The following RANBP3 variants were observed in gnomAD, a reference collection of about 807,000 sequenced individuals.
RANBP3 encodes the protein RAN binding protein 3, also known as ran-binding protein 3.
RANBP3 carries 14 observed loss-of-function variants against 77.3 expected under a neutral mutation model. The ratio of observed to expected loss-of-function variants is 0.18; its 90% CI spans 0.12 to 0.28. RANBP3 has a LOEUF of 0.28. Ranked by LOEUF, RANBP3 falls within the 10% of genes least tolerant of loss-of-function variation. The pLI is 1.00. For missense variants in RANBP3, 586 were observed against 752.3 expected (o/e 0.78, Z 2.59); for synonymous variants, 315 against 312.4 (o/e 1.01, Z -0.09).
chr19:5,958,847 C>T lies in RANBP3; in HGVS notation c.23-874G>A, dbSNP rs1198437412. Among the ~76,000 whole-genome samples the T allele has an allele frequency of 1.3e-5, 2 of 152,264 alleles. No individual in the cohort carries two copies. The highest frequency in any genetic ancestry group is 2.9e-5 in the Non-Finnish European group (2 of 68,042). ...ACCATTCAGGGCACTGAGGGCCTAGCGTGGAGGCCAAGCAAGAGCAGCTGT... is the reference window on the plus strand; with the variant it reads ...ACCATTCAGGGCACTGAGGGCCTAGTGTGGAGGCCAAGCAAGAGCAGCTGT... On this transcript the variant is annotated intron_variant, in intron 1 of 16. Coordinates refer to ENST00000340578, the MANE Select transcript of RANBP3 (RefSeq NM_007322.3). The surrounding 1 kb of genome is among the most constrained non-coding windows in gnomAD (Gnocchi z 4.4).
intron 3 of RANBP3, among the ~76,000 whole-genome samples, chr19:5,943,739 G>A (rs2058168227): frequency 6.6e-6 from 1 of 152,176 alleles, no homozygotes. Flanking sequence ...GTACGAGTGA[G>A]GGCTGATTAT....
chr19:5,969,951 A>G (rs2145272102), intron 1 of RANBP3, among the ~76,000 whole-genome samples: 1 of 152,356 alleles, frequency 6.6e-6, no homozygotes, highest in South Asian at 2.1e-4. Flanking sequence ...TCTAGCTGGC[A>G]ATTAATTTAT....
intron 9 of RANBP3, 146 bp from the exon 10 acceptor site, chr19:5,925,883 A>G: frequency 1.6e-6 from 1 of 630,530 alleles, no homozygotes; most frequent in Non-Finnish European, 2.9e-6. Context: ...GTGCGCGTGC[A>G]TGTGCTGGGG....
intron 2 of RANBP3, among the ~76,000 whole-genome samples, chr19:5,956,820 G>A (rs1483357607): frequency 1.3e-5 from 2 of 152,338 alleles, no homozygotes; most frequent in East Asian, 1.9e-4. Context: ...CTGGGAGCCG[G>A]TCACCTGTGA....
At chr19:5,964,571 G>A (rs1407564209) in intron 1 of RANBP3, among the ~76,000 whole-genome samples, 4 of 152,072 alleles carry the variant, frequency 2.6e-5, no homozygotes, top group Non-Finnish European at 4.4e-5. Context: ...GGCACAGCAG[G>A]CCCTGGGAAC....
chr19:5,923,294 G>C lies in RANBP3; in HGVS notation c.1109C>G (p.Ala370Gly), dbSNP rs1271972085. Residue 370 changes from alanine to glycine, a missense_variant, in exon 13 of 17, where the codon GCT (alanine) becomes GGT (glycine). Ala to Gly is a moderately conservative substitution (Grantham distance 60). Coordinates refer to ENST00000340578, the MANE Select transcript of RANBP3 (RefSeq NM_007322.3). ...QEATPEKESL[A>G]ESAAAYTKAT... ...CTTGGTGTAGGCGGCTGCCGACTCA[G>C]CCAGGGACTCTGAAAAGTTATTGGC... The C allele has an allele frequency of 6.2e-7, 1 of 1,614,164 alleles. No individual in the cohort carries two copies. Among genetic ancestry groups the C allele is most frequent in the East Asian group, 2.2e-5 (1 of 44,884 alleles).
intron 5 of RANBP3, among the ~76,000 whole-genome samples, chr19:5,940,308 TGA>T (rs1411454292): frequency 6.6e-6 from 1 of 151,972 alleles, no homozygotes; most frequent in Non-Finnish European, 1.5e-5. Flanking sequence ...CAGTGGGCAG[TGA>T]GGGGGAAGGA....
chr19:5,958,032 G>T lies in RANBP3; in HGVS notation c.23-59C>A. 1.4e-6 allele frequency: 2 copies of T among 1,423,464 alleles called. No individual in the cohort carries two copies. Among genetic ancestry groups the T allele is most frequent in the Non-Finnish European group, 2.0e-6 (2 of 1,009,612 alleles). 88.2% of individuals were successfully genotyped at this position (1,423,464 alleles called of 1,614,324 possible). On this transcript the variant is annotated intron_variant, in intron 1 of 16. Coordinates refer to ENST00000340578, the MANE Select transcript of RANBP3 (RefSeq NM_007322.3). The surrounding 1 kb of genome is among the most constrained non-coding windows in gnomAD (Gnocchi z 4.4). The stretch of plus-strand genomic sequence containing the variant: ...ACACTATATGCATACAGTAAACAAA[G>T]CTACACTTGTTTGTAATATGTTAAA...
chr19:5,975,844 GAGAAA>G (rs2058584333), intron 1 of RANBP3, among the ~76,000 whole-genome samples: 1 of 151,852 alleles, frequency 6.6e-6, no homozygotes, highest in South Asian at 2.1e-4. Context: ...GAATCAGCAG[GAGAAA>G]AGGCTAAAAG....
At chr19:5,972,001 A>C (rs2058536099) in intron 1 of RANBP3, among the ~76,000 whole-genome samples, 1 of 152,226 alleles carries the variant, frequency 6.6e-6, no homozygotes, top group Non-Finnish European at 1.5e-5. Context: ...TTCTGAGAGA[A>C]ATCAGAAATA....
chr19:5,918,324 CTA>C, intron 15 of RANBP3, 170 bp downstream of exon 15: 1 of 759,358 alleles, frequency 1.3e-6, no homozygotes, highest in South Asian at 1.9e-5. Flanking sequence ...ACCATGATCT[CTA>C]TTCCTGAAGG....
At chr19:5,932,954 G>A in intron 6 of RANBP3, 2 of 267,466 alleles carry the variant, frequency 7.5e-6, no homozygotes, top group East Asian at 1.0e-4. Flanking sequence ...AAGTCCCTCT[G>A]CCAAAGGCAG....
chr19:5,941,780 G>A lies in RANBP3; in HGVS notation c.319+19C>T. The A allele has an allele frequency of 6.2e-7, 1 of 1,612,276 alleles. No homozygotes were observed. Among genetic ancestry groups the A allele is most frequent in the Non-Finnish European group, 8.5e-7 (1 of 1,179,980 alleles). On this transcript the variant is annotated intron_variant, in intron 4 of 16. Transcript: ENST00000340578. The stretch of plus-strand genomic sequence containing the variant: ...TCTTTAAAACTGAAGATGGTCAAAG[G>A]TGTTAGAGAGCTCCTTACCTTCTCC...
chr19:5,937,132 A>G (rs77801611), intron 5 of RANBP3, among the ~76,000 whole-genome samples: 2,858 of 150,924 alleles, frequency 0.019, 95 homozygotes, highest in African/African-American at 0.067. Context: ...ATCACTCTAA[A>G]GACATCACTG....
At position 5,917,261 on chromosome 19, in the gene RANBP3, T is replaced by G; in HGVS notation, c.*349A>C. 2.7e-6 allele frequency: 1 copy of G among 368,324 alleles called. No homozygotes were observed. Among genetic ancestry groups the G allele is most frequent in the Non-Finnish European group, 5.1e-6 (1 of 197,488 alleles). The allele number at this position is 368,324 out of a possible 1,614,324, so 22.8% of individuals were successfully genotyped here. On this transcript the variant is annotated 3_prime_UTR_variant, in exon 17 of 17. Transcript: ENST00000340578. ...TGTGGGTGGCGGAGAAGCCAGGGGC[T>G]CTGGCTGGACCCAGAGGCTGGCGAC...
chr19:5,924,967 T>G lies in RANBP3; in HGVS notation c.918-62A>C. The G allele has an allele frequency of 7.0e-7, 1 of 1,429,622 alleles. No homozygotes were observed. The highest frequency in any genetic ancestry group is 1.1e-5 in the South Asian group (1 of 87,340). The allele number at this position is 1,429,622 out of a possible 1,614,324, so 88.6% of individuals were successfully genotyped here. On this transcript the variant is annotated intron_variant, in intron 10 of 16. Transcript: ENST00000340578. The surrounding 1 kb of genome is among the most constrained non-coding windows in gnomAD (Gnocchi z 4.7). ...GTGGGAACGTGGCCAGGCAAATGTA[T>G]GGGTACCCATGGAGCACACACTGAC... is the stretch of plus-strand genomic sequence containing the variant.
chr19:5,932,139 T>G (rs2058000752), intron 7 of RANBP3, among the ~76,000 whole-genome samples: 1 of 152,154 alleles, frequency 6.6e-6, no homozygotes, highest in Non-Finnish European at 1.5e-5. Context: ...CAGGGATAAA[T>G]CTCATTCCCA....
chr19:5,947,265 G>T (rs1223853857), intron 3 of RANBP3, among the ~76,000 whole-genome samples: 2 of 148,750 alleles, frequency 1.3e-5, no homozygotes, highest in Admixed American at 1.3e-4. Flanking sequence ...AGTGAGCCCA[G>T]ATGGCGCCAC....
At chr19:5,942,450 A>G (rs192608818) in intron 3 of RANBP3, among the ~76,000 whole-genome samples, 56 of 152,244 alleles carry the variant, frequency 3.7e-4, no homozygotes, top group Admixed American at 3.7e-3. Flanking sequence ...TATTCCACAA[A>G]CTTTAGCTTT....
Sources: gnomAD v4.1 joint callset for allele counts (sites outside exome capture counted in the v4.1 genomes callset) on GRCh38, gnomAD v4.1.1 for gene constraint, Gnocchi (gnomAD v3.1) non-coding constraint, MANE v1.5 for transcripts, NCBI Gene and HGNC (gene_info 2026-07-23, HGNC 2026-07-21) for gene names.